Variants in C11orf21 observed in about 807,000 individuals in gnomAD.
The protein encoded by C11orf21 is chromosome 11 open reading frame 21, also known as uncharacterized protein C11orf21.
In C11orf21, 19 loss-of-function variants were observed where a neutral mutation model predicts 15.2. The ratio of observed to expected loss-of-function variants is 1.25; its 90% CI spans 0.87 to 1.84. The LOEUF (loss-of-function observed/expected upper bound fraction) is 1.84, where lower values mean the gene tolerates loss of function less well. Among genes scored for constraint, C11orf21 ranks in the 40% most tolerant of loss-of-function variants. The pLI is 0.00. For missense variants in C11orf21, 171 were observed against 174.4 expected, an observed-to-expected ratio of 0.98 and a Z score of 0.11; for synonymous variants, 62 against 66.8, an observed-to-expected ratio of 0.93 and a Z score of 0.35.
At position 2,299,913 on chromosome 11, in the gene C11orf21, G is replaced by A. The variant is rs76143457; in HGVS notation, c.148-206C>T. Among the ~76,000 whole-genome samples the A allele has an allele frequency of 5.4e-3, 825 of 151,548 alleles. 10 individuals are homozygous for A. Among genetic ancestry groups the A allele is most frequent in the African/African-American group, 0.019 (775 of 41,292 alleles). On this transcript the variant is annotated intron_variant, in intron 2 of 3. Coordinates refer to ENST00000381153, the MANE Select transcript of C11orf21 (RefSeq NM_001329958.2). ...TCTCTTCCCTGGAAATAAAGCCAGG[G>A]GCCCTTAGGCCAGCTTGCAGTGGGG...
At chr11:2,302,006 C>G (rs367779477), upstream of C11orf21, 438 of 1,508,060 alleles carry the variant, frequency 2.9e-4, 1 homozygote, top group African/African-American at 5.6e-3. Context: ...CCCAGCAGCT[C>G]GGTCCTAGGG....
chr11:2,298,549 C>T (rs568344232), intron 3 of C11orf21, among the ~76,000 whole-genome samples: 3 of 152,306 alleles, frequency 2.0e-5, no homozygotes, highest in Admixed American at 2.0e-4. Flanking sequence ...TTCCCCTGCC[C>T]CCAGTCCTGC....
chr11:2,302,933 C>A (rs1357343926), upstream of C11orf21: 1 of 1,613,536 alleles, frequency 6.2e-7, no homozygotes. Context: ...TGGAGAAGAA[C>A]CCGTACCAGG....
chr11:2,302,116 AG>A (rs1847785114), upstream of C11orf21: 1 of 1,484,282 alleles, frequency 6.7e-7, no homozygotes, highest in Non-Finnish European at 8.9e-7. Context: ...AGGGAGGGGA[AG>A]GGAGGGGAGG....
At chr11:2,300,456 G>GT in intron 2 of C11orf21, 64 bp downstream of exon 2, 1 of 1,030,156 alleles carries the variant, frequency 9.7e-7, no homozygotes, top group Non-Finnish European at 1.4e-6. Flanking sequence ...AGCAAAGGGC[G>GT]TGGGGGTTCC....
chr11:2,300,413 C>T, intron 2 of C11orf21, 107 bp downstream of exon 2: 1 of 734,782 alleles, frequency 1.4e-6, no homozygotes, highest in East Asian at 2.7e-5. Context: ...CTTCCTCTTG[C>T]AGAGGGAATG....
intron 1 of C11orf21, chr11:2,301,499 C>G (rs1422567978): frequency 9.4e-6 from 4 of 425,794 alleles, no homozygotes; most frequent in Non-Finnish European, 1.7e-5. Context: ...GGAGGCCCCA[C>G]GTGAGTGTGA....
At chr11:2,299,083 C>T (rs1247783910) in intron 3 of C11orf21, among the ~76,000 whole-genome samples, 1 of 152,146 alleles carries the variant, frequency 6.6e-6, no homozygotes, top group African/African-American at 2.4e-5. Flanking sequence ...CAGGGTGCCT[C>T]CAGGGGAAGG....
Position 2,298,692 on chromosome 11 carries a change from T to A in C11orf21, c.*28+736A>T, listed in dbSNP as rs111804289. Among the ~76,000 whole-genome samples, 945 of 152,230 alleles carry A rather than the reference T, an allele frequency of 6.2e-3. 10 individuals carry two copies. The highest frequency in any genetic ancestry group is 0.02 in the African/African-American group (848 of 41,556). ...GGGTGGCCCAGGCAGGACAGCAGGCTTGGTGGTGCCCGGCCCCACATACTA... is the reference window on the plus strand; with the variant it reads ...GGGTGGCCCAGGCAGGACAGCAGGCATGGTGGTGCCCGGCCCCACATACTA... On this transcript the variant is annotated intron_variant, in intron 3 of 3. Transcript: ENST00000381153.
At chr11:2,298,522 T>C (rs2133267162) in intron 3 of C11orf21, among the ~76,000 whole-genome samples, 1 of 152,288 alleles carries the variant, frequency 6.6e-6, no homozygotes, top group South Asian at 2.1e-4. Context: ...GATGTGCATT[T>C]TTCTGCCAGC....
intron 2 of C11orf21, among the ~76,000 whole-genome samples, chr11:2,300,264 A>G (rs1284753728): frequency 8.8e-5 from 3 of 33,942 alleles, no homozygotes; most frequent in South Asian, 1.7e-3. Flanking sequence ...GGGGTGTGTA[A>G]GGTTGGGTAG....
At chr11:2,299,807 T>A in intron 2 of C11orf21, 100 bp from the exon 3 acceptor site, 1 of 1,407,924 alleles carries the variant, frequency 7.1e-7, no homozygotes, top group Non-Finnish European at 9.7e-7. Flanking sequence ...GGTAAACACA[T>A]ATGCATGCAC....
chr11:2,296,740 A>G lies in C11orf21; in HGVS notation c.*1210T>C, dbSNP rs1393194231. 6.6e-6 allele frequency: 1 copy of G among 152,226 alleles called. No individual in the cohort carries two copies. The highest frequency in any genetic ancestry group is 1.5e-5 in the Non-Finnish European group (1 of 68,088). The allele number at this position is 152,226 out of a possible 1,614,324, so 9.4% of individuals were successfully genotyped here. A position where few individuals can be genotyped will look rare whatever the true frequency, so the allele number is the denominator to read the frequency against. On this transcript the variant is annotated 3_prime_UTR_variant, in exon 4 of 4. Transcript: ENST00000381153. The surrounding 1 kb of genome is among the most constrained non-coding windows in gnomAD (Gnocchi z 5.6). ...GGGCTCCATGGGCTGGACTGTTCCA[A>G]TCACTGCCGGTGCCAGTTGCCATCT...
At chr11:2,299,820 A>ACATCCACGCCTGCACACG (rs1847635196) in intron 2 of C11orf21, 113 bp from the exon 3 acceptor site, 1 of 615,468 alleles carries the variant, frequency 1.6e-6, no homozygotes. Context: ...GCATGCACAC[A>ACATCCACGCCTGCACACG]CATCCACGTC....
chr11:2,302,957 G>T, upstream of C11orf21: 1 of 1,612,874 alleles, frequency 6.2e-7, no homozygotes, highest in South Asian at 1.1e-5. Context: ...TGCACCAATG[G>T]GGTAAGTGAG....
rs547238029 is a variant in C11orf21 at position 2,301,772 on chromosome 11, G to C, written c.37C>G (p.Arg13Gly). Residue 13 changes from arginine (R) to glycine (G), a missense_variant, in exon 1 of 4, where the codon CGC (arginine) becomes GGC (glycine). By Grantham distance (125) the Arg-to-Gly change is moderately radical. Transcript: ENST00000381153. ...RTWCGMWRRR[R>G]PGRRSAVPRW... ...GGAGCTCACCTCCTCCTCCCCGGGCGCCGTCTCCTCCACATCCCACACCAG... is the reference window on the plus strand; with the variant it reads ...GGAGCTCACCTCCTCCTCCCCGGGCCCCGTCTCCTCCACATCCCACACCAG... 6.5e-7 allele frequency: 1 copy of C among 1,549,378 alleles called. No homozygotes were observed. Among genetic ancestry groups the C allele is most frequent in the Non-Finnish European group, 8.7e-7 (1 of 1,146,666 alleles).
rs568456797 is a variant in C11orf21, at chr11:2,299,417, C to T, written c.*28+11G>A. ...GCCCCCAGGCTCCAGCCTCAGAGCCCGGCTGCTCACCTCTGATGGACAGAA... is the reference window on the plus strand; with the variant it reads ...GCCCCCAGGCTCCAGCCTCAGAGCCTGGCTGCTCACCTCTGATGGACAGAA... On this transcript the variant is annotated intron_variant, in intron 3 of 3. Coordinates refer to ENST00000381153, the MANE Select transcript of C11orf21 (RefSeq NM_001329958.2). 54 of 1,544,772 alleles carry T rather than the reference C, an allele frequency of 3.5e-5. No individual in the cohort carries two copies. The highest frequency in any genetic ancestry group is 2.8e-4 in the Admixed American group (14 of 50,840).
At chr11:2,302,329 G>C, upstream of C11orf21, 1 of 1,174,102 alleles carries the variant, frequency 8.5e-7, no homozygotes, top group Non-Finnish European at 1.1e-6. Context: ...CAGCCCTACT[G>C]TCCCTGTCCT....
upstream of C11orf21, chr11:2,302,245 G>C (rs1193216212): frequency 2.2e-6 from 3 of 1,379,120 alleles, no homozygotes; most frequent in East Asian, 8.1e-5. Context: ...GGAGTGGGTG[G>C]TGGGTGGGGG....
Sources: gnomAD v4.1 joint callset for allele counts (sites outside exome capture counted in the v4.1 genomes callset) on GRCh38, gnomAD v4.1.1 for gene constraint, Gnocchi (gnomAD v3.1) non-coding constraint, MANE v1.5 for transcripts, NCBI Gene and HGNC (gene_info 2026-07-23, HGNC 2026-07-21) for gene names.